The following DGKH variants were observed in gnomAD, a reference collection of about 807,000 sequenced individuals.
DGKH encodes the protein DAG kinase eta.
DGKH carries 90 observed loss-of-function variants against 159.3 expected under a neutral mutation model. The ratio of observed to expected loss-of-function variants is 0.57; its 90% CI spans 0.48 to 0.67. DGKH has a LOEUF of 0.67. DGKH is among the 30% of genes least tolerant of loss of function. DGKH has a pLI of 0.00. For synonymous variants in DGKH, 536 were observed against 553.8 expected (o/e 0.97, Z 0.45); for missense variants, 1,181 against 1,506.1 (o/e 0.78, Z 3.57).
At chr13:42,057,589 G>A (rs1235262410) in intron 1 of DGKH, among the ~76,000 whole-genome samples, 33 of 152,276 alleles carry the variant, frequency 2.2e-4, no homozygotes, top group Non-Finnish European at 5.9e-5. Flanking sequence ...GCATCTTCCT[G>A]TGTGCTCCTT....
chr13:42,053,182 A>T (rs1457378395), intron 1 of DGKH, among the ~76,000 whole-genome samples: 1 of 151,988 alleles, frequency 6.6e-6, no homozygotes, highest in Non-Finnish European at 1.5e-5. Flanking sequence ...AAAAAAACAA[A>T]CCCAAAAGAA....
chr13:42,188,797 A>G (rs1012632354), intron 14 of DGKH, among the ~76,000 whole-genome samples: 3 of 152,186 alleles, frequency 2.0e-5, no homozygotes, highest in Non-Finnish European at 4.4e-5. Flanking sequence ...CAATAAAGCC[A>G]TTGTCCCTCT....
At chr13:42,185,084 A>C (rs552475709) in intron 13 of DGKH, among the ~76,000 whole-genome samples, 1 of 152,044 alleles carries the variant, frequency 6.6e-6, no homozygotes, top group South Asian at 2.1e-4. Context: ...ACATCTTAAG[A>C]TTGTTTTTTC....
intron 29 of DGKH, among the ~76,000 whole-genome samples, chr13:42,224,332 T>C (rs1250147882): frequency 6.6e-6 from 1 of 152,224 alleles, no homozygotes; most frequent in Non-Finnish European, 1.5e-5. Flanking sequence ...CACCTTCCTC[T>C]TTTTTGTCCA....
chr13:42,178,809 G>A (rs1460974591), intron 13 of DGKH, among the ~76,000 whole-genome samples: 1 of 152,164 alleles, frequency 6.6e-6, no homozygotes, highest in Non-Finnish European at 1.5e-5. Context: ...CAAGAGACTG[G>A]AAAGTCGACT....
At chr13:42,173,565 G>A (rs1239383430) in intron 11 of DGKH, among the ~76,000 whole-genome samples, 1 of 152,114 alleles carries the variant, frequency 6.6e-6, no homozygotes, top group Non-Finnish European at 1.5e-5. Context: ...AAGCTGATTT[G>A]GCAAGTGTGA....
At chr13:42,242,898 T>C (rs1351195988), downstream of DGKH, 2 of 152,244 alleles carry the variant, frequency 1.3e-5, no homozygotes, top group Non-Finnish European at 2.9e-5. Flanking sequence ...TTGAAGAAAG[T>C]GTGAAGTCTA....
At chr13:42,125,759 T>C (rs1427334638) in intron 1 of DGKH, among the ~76,000 whole-genome samples, 1 of 152,178 alleles carries the variant, frequency 6.6e-6, no homozygotes, top group African/African-American at 2.4e-5. Flanking sequence ...TTTATGGTAG[T>C]AAGAAATAGT....
chr13:42,047,176 CTT>C (rs916231548), upstream of DGKH, among the ~76,000 whole-genome samples: 3 of 152,212 alleles, frequency 2.0e-5, no homozygotes, highest in Admixed American at 1.3e-4. Context: ...AGTCTCCTGT[CTT>C]TAAATATTTG....
At chr13:42,181,276 CAA>C (rs34220072) in intron 13 of DGKH, among the ~76,000 whole-genome samples, 36 of 81,244 alleles carry the variant, frequency 4.4e-4, no homozygotes, top group South Asian at 1.1e-3. Context: ...GACTCTGTCT[CAA>C]AAAAAAAAAA....
chr13:42,140,896 A>G (rs1236454633), intron 3 of DGKH: 1 of 151,720 alleles, frequency 6.6e-6, no homozygotes, highest in African/African-American at 2.4e-5. Context: ...CTGGCAGTAA[A>G]AAAATTTTAT....
rs1334893617 is a variant in DGKH, at chr13:42,165,576, G to C, written c.958+143G>C. On this transcript the variant is annotated intron_variant, in intron 8 of 29. Transcript: ENST00000337343. ...AATAATTCCATTTAAATTGCTGAAA[G>C]TACATTCCATTTTTAAAAGAATATA... is the stretch of plus-strand genomic sequence containing the variant. 1.7e-5 allele frequency: 8 copies of C among 474,226 alleles called. No individual in the cohort carries two copies. The South Asian group carries it at 4.4e-4, about 26-fold the overall frequency. 29.4% of individuals were successfully genotyped at this position (474,226 alleles called of 1,614,324 possible).
chr13:42,149,258 T>C (rs1395468705), intron 3 of DGKH, among the ~76,000 whole-genome samples: 1 of 152,166 alleles, frequency 6.6e-6, no homozygotes, highest in Non-Finnish European at 1.5e-5. Flanking sequence ...GAGTATCTTC[T>C]TCCCCGACAA....
intron 1 of DGKH, among the ~76,000 whole-genome samples, chr13:42,111,805 C>A (rs1954867077): frequency 6.6e-6 from 1 of 152,174 alleles, no homozygotes; most frequent in South Asian, 2.1e-4. Context: ...GCAGACATAA[C>A]CACTTCTCAG....
chr13:42,236,236 G>A lies in DGKH; in HGVS notation c.*7048G>A, dbSNP rs1328603679. The A allele has an allele frequency of 6.6e-6, 1 of 152,046 alleles. No individual in the cohort carries two copies. The highest frequency in any genetic ancestry group is 2.4e-5 in the African/African-American group (1 of 41,394). 9.4% of individuals were successfully genotyped at this position (152,046 alleles called of 1,614,324 possible). A position where few individuals can be genotyped will look rare whatever the true frequency, so the allele number is the denominator to read the frequency against. On this transcript the variant is annotated 3_prime_UTR_variant, in exon 30 of 30. Coordinates refer to ENST00000337343, the MANE Select transcript of DGKH (RefSeq NM_178009.5). Reference sequence around the variant, plus strand: ...AGCTTTATATGAAATACATATTCTAGCTCTTTTCCTTTTTACTGCTGTTGT... The same window carrying A: ...AGCTTTATATGAAATACATATTCTAACTCTTTTCCTTTTTACTGCTGTTGT...
At chr13:42,172,964 T>G (rs1956501058) in intron 11 of DGKH, among the ~76,000 whole-genome samples, 1 of 151,068 alleles carries the variant, frequency 6.6e-6, no homozygotes, top group Admixed American at 6.6e-5. Context: ...CATGATTTAC[T>G]GCACCTGGCC....
In DGKH at chr13:42,189,436, A is replaced by T; in HGVS notation, c.1912+127A>T. 2.4e-6 allele frequency: 3 copies of T among 1,262,600 alleles called. No homozygotes were observed. In the South Asian group the frequency reaches 4.7e-5, roughly 20 times the overall value. 78.2% of individuals were successfully genotyped at this position (1,262,600 alleles called of 1,614,324 possible). The stretch of plus-strand genomic sequence containing the variant: ...TAAAATTTTTAAGGCAAGATAGAAG[A>T]TACAGTCATTATAAGAAAACTTGTA... On this transcript the variant is annotated intron_variant, in intron 15 of 29. Transcript: ENST00000337343.
intron 21 of DGKH, among the ~76,000 whole-genome samples, chr13:42,206,821 C>T (rs1159505015): frequency 6.6e-6 from 1 of 152,012 alleles, no homozygotes; most frequent in Non-Finnish European, 1.5e-5. Context: ...GGATCATCCC[C>T]ATCTCAAGGC....
At chr13:42,050,752 G>A (rs913122308) in intron 1 of DGKH, among the ~76,000 whole-genome samples, 1 of 152,144 alleles carries the variant, frequency 6.6e-6, no homozygotes, top group African/African-American at 2.4e-5. Flanking sequence ...CACTTTGGGA[G>A]AACAAGGTAC....
Sources: gnomAD v4.1 joint callset for allele counts (sites outside exome capture counted in the v4.1 genomes callset) on GRCh38, gnomAD v4.1.1 for gene constraint, MANE v1.5 for transcripts, NCBI Gene and HGNC (gene_info 2026-07-23, HGNC 2026-07-21) for gene names.